The following XIRP2 variants were observed in gnomAD, a reference collection of about 807,000 sequenced individuals.
XIRP2 encodes the protein xin actin-binding repeat-containing protein 2.
XIRP2 carries 236 observed loss-of-function variants against 277.0 expected under a neutral mutation model. That is an observed-to-expected ratio of 0.85 (90% CI 0.77 to 0.95). XIRP2 has a LOEUF of 0.95. Among genes scored for constraint, XIRP2 ranks in the 40% least tolerant of loss-of-function variants. The pLI is 0.00. For synonymous variants in XIRP2, 1,490 were observed against 1,416.5 expected, an observed-to-expected ratio of 1.05 and a Z score of -1.17; for missense variants, 4,640 against 4,157.5, an observed-to-expected ratio of 1.12 and a Z score of -3.19.
intron 2 of XIRP2, among the ~76,000 whole-genome samples, chr2:167,042,117 ATCCTT>A (rs1413214571): frequency 6.6e-6 from 1 of 152,170 alleles, no homozygotes; most frequent in African/African-American, 2.4e-5. Context: ...GAGAAATAAA[ATCCTT>A]TACAGACAAA....
chr2:167,257,555 A>C (rs1225691537), intron 10 of XIRP2, among the ~76,000 whole-genome samples: 1 of 152,042 alleles, frequency 6.6e-6, no homozygotes, highest in South Asian at 2.1e-4. Flanking sequence ...CACATAAATC[A>C]TTGAATTAGC....
At chr2:166,960,357 A>G (rs1017533287) in intron 2 of XIRP2, among the ~76,000 whole-genome samples, 1 of 151,786 alleles carries the variant, frequency 6.6e-6, no homozygotes, top group African/African-American at 2.4e-5. Context: ...AAGGTCAAAT[A>G]TTTGTTAGAA....
At chr2:167,189,538 G>A (rs547890483) in intron 3 of XIRP2, among the ~76,000 whole-genome samples, 28 of 152,244 alleles carry the variant, frequency 1.8e-4, no homozygotes, top group African/African-American at 5.8e-4. Flanking sequence ...ATTGTAATGT[G>A]TTTCTTCCTG....
At chr2:166,947,821 C>T (rs1558926736) in intron 2 of XIRP2, among the ~76,000 whole-genome samples, 1 of 152,138 alleles carries the variant, frequency 6.6e-6, no homozygotes, top group Non-Finnish European at 1.5e-5. Flanking sequence ...TTTATAAAAA[C>T]TTTATTCATA....
At chr2:166,940,519 A>C (rs1195900739) in intron 2 of XIRP2, among the ~76,000 whole-genome samples, 1 of 151,772 alleles carries the variant, frequency 6.6e-6, no homozygotes, top group Non-Finnish European at 1.5e-5. Context: ...GTGGAGAGTC[A>C]CTCTGATTTT....
At chr2:167,060,336 G>C (rs537824732) in intron 2 of XIRP2, among the ~76,000 whole-genome samples, 87 of 152,166 alleles carry the variant, frequency 5.7e-4, no homozygotes, top group Non-Finnish European at 1.0e-3. Flanking sequence ...CCCCTTCTTA[G>C]GATGGCTATT....
intron 2 of XIRP2, among the ~76,000 whole-genome samples, chr2:166,950,812 A>G (rs1686007831): frequency 6.6e-6 from 1 of 152,082 alleles, no homozygotes; most frequent in Non-Finnish European, 1.5e-5. Context: ...TTTCAAGGCC[A>G]GGGATATCAC....
chr2:166,892,205 A>G (rs1684122180), intron 1 of XIRP2, among the ~76,000 whole-genome samples: 1 of 152,172 alleles, frequency 6.6e-6, no homozygotes, highest in Non-Finnish European at 1.5e-5. Flanking sequence ...AAATTGGCAC[A>G]GGCTTCATTC....
intron 2 of XIRP2, among the ~76,000 whole-genome samples, chr2:167,127,196 T>G (rs1691231725): frequency 6.6e-6 from 1 of 152,188 alleles, no homozygotes; most frequent in African/African-American, 2.4e-5. Flanking sequence ...TTTGCACTCT[T>G]CCCTGACTTC....
intron 2 of XIRP2, among the ~76,000 whole-genome samples, chr2:167,111,557 G>A (rs910068877): frequency 3.9e-5 from 6 of 152,098 alleles, no homozygotes; most frequent in African/African-American, 1.2e-4. Flanking sequence ...TTTTTAATAT[G>A]CTGCTGGATT....
chr2:166,899,295 T>C (rs961099855), intron 1 of XIRP2, among the ~76,000 whole-genome samples: 1 of 152,098 alleles, frequency 6.6e-6, no homozygotes, highest in African/African-American at 2.4e-5. Flanking sequence ...TTATCCCTTT[T>C]CCCTACCTAG....
intron 2 of XIRP2, among the ~76,000 whole-genome samples, chr2:167,018,188 T>A (rs1687882937): frequency 6.6e-6 from 1 of 151,988 alleles, no homozygotes; most frequent in Non-Finnish European, 1.5e-5. Context: ...ATTTTTTAAA[T>A]TTCTGAATCT....
intron 2 of XIRP2, among the ~76,000 whole-genome samples, chr2:167,041,201 G>A (rs1232761576): frequency 1.3e-5 from 2 of 151,908 alleles, no homozygotes; most frequent in East Asian, 1.9e-4. Context: ...AAACATTAAA[G>A]GAACATCAGC....
intron 2 of XIRP2, among the ~76,000 whole-genome samples, chr2:167,052,922 G>A (rs76025581): frequency 0.035 from 5,395 of 152,256 alleles, 185 homozygotes; most frequent in African/African-American, 0.087. Flanking sequence ...GTTATATGTA[G>A]TTGTAGACAT....
At chr2:167,147,566 G>A (rs1397369957) in intron 3 of XIRP2, among the ~76,000 whole-genome samples, 2 of 152,118 alleles carry the variant, frequency 1.3e-5, no homozygotes, top group East Asian at 3.9e-4. Flanking sequence ...CAAAAGTTGT[G>A]GATGACAAGG....
At position 167,115,167 on chromosome 2, in the gene XIRP2, G is replaced by C. The variant is rs115370986; in HGVS notation, c.409-20742G>C. Reference sequence around the variant, plus strand: ...TGGTGTGAGATGGTATCTCACTGTGGTTTTGCAATTCTTATAGTGTGTTTT... The same window carrying C: ...TGGTGTGAGATGGTATCTCACTGTGCTTTTGCAATTCTTATAGTGTGTTTT... On this transcript the variant is annotated intron_variant, in intron 2 of 10. Transcript: ENST00000409195. Among the ~76,000 whole-genome samples the C allele has an allele frequency of 5.9e-3, 904 of 152,166 alleles. 11 individuals carry two copies. The highest frequency in any genetic ancestry group is 0.021 in the African/African-American group (859 of 41,494).
chr2:167,153,931 G>T (rs1692103315), intron 3 of XIRP2, among the ~76,000 whole-genome samples: 1 of 151,394 alleles, frequency 6.6e-6, no homozygotes, highest in African/African-American at 2.4e-5. Context: ...CCCAGTAATG[G>T]GATGGCTGGG....
intron 3 of XIRP2, among the ~76,000 whole-genome samples, chr2:167,140,323 A>C (rs1574290620): frequency 6.6e-6 from 1 of 152,236 alleles, no homozygotes; most frequent in Non-Finnish European, 1.5e-5. Flanking sequence ...TCAGGTCAGA[A>C]GCAAACCTTT....
chr2:167,243,661 GT>G lies in XIRP2; in HGVS notation c.2271del (p.His758ThrfsTer10). The G allele has an allele frequency of 6.2e-7, 1 of 1,613,984 alleles. No individual in the cohort carries two copies. Among genetic ancestry groups the G allele is most frequent in the Non-Finnish European group, 8.5e-7 (1 of 1,179,956 alleles). ...GSGQMLEIKT[V>X]HREDVEKGDV... ...GGGCCAAATGCTGGAAATTAAAACT[GT>G]TCACAGAGAAGACGTTGAAAAGGGA... is the stretch of plus-strand genomic sequence containing the variant. On this transcript the variant is annotated frameshift_variant, in exon 9 of 11. Coordinates refer to ENST00000409195, the MANE Select transcript of XIRP2 (RefSeq NM_152381.6). LOFTEE classifies it high-confidence loss of function.
Sources: allele counts gnomAD v4.1 joint callset (sites outside exome capture counted in the v4.1 genomes callset), GRCh38; gene constraint gnomAD v4.1.1; transcripts MANE v1.5; gene names NCBI Gene and HGNC (gene_info 2026-07-23, HGNC 2026-07-21).